The following DDAH1 variants were observed in gnomAD, a reference collection of about 807,000 sequenced individuals.
DDAH1 encodes the protein N(G),N(G)-dimethylarginine dimethylaminohydrolase 1.
DDAH1 carries 19 observed loss-of-function variants against 28.8 expected under a neutral mutation model. That is an observed-to-expected ratio of 0.66 (90% CI 0.46 to 0.97). The LOEUF (loss-of-function observed/expected upper bound fraction) is 0.97, where lower values mean the gene tolerates loss of function less well. DDAH1 is among the 50% of genes least tolerant of loss of function. The probability of loss-of-function intolerance (pLI) is 0.00; values close to 1 mark genes in which losing one functional copy is unlikely to be tolerated. For missense variants in DDAH1, 326 were observed against 375.9 expected (o/e 0.87, Z 1.10); for synonymous variants, 153 against 154.4 (o/e 0.99, Z 0.07).
chr1:85,374,756 T>TA lies in DDAH1; in HGVS notation c.304-15910dup, dbSNP rs1421359629. On this transcript the variant is annotated intron_variant, in intron 1 of 5. Coordinates refer to ENST00000284031, the MANE Select transcript of DDAH1 (RefSeq NM_012137.4). Reference sequence around the variant, plus strand: ...ATTATACTATAAGCACAAACATAGTTAAATAGAACACAGGGTACTATTATA... The same window carrying TA: ...ATTATACTATAAGCACAAACATAGTTAAAATAGAACACAGGGTACTATTATA... Among the ~76,000 whole-genome samples, 23 of 152,252 alleles carry TA rather than the reference T, an allele frequency of 1.5e-4. No individual in the cohort carries two copies. In the East Asian group the frequency reaches 4.4e-3, roughly 29 times the overall value.
intron 2 of DDAH1, among the ~76,000 whole-genome samples, chr1:85,474,390 C>G (rs898536646): frequency 2.6e-5 from 4 of 152,200 alleles, no homozygotes; most frequent in African/African-American, 9.6e-5. Flanking sequence ...ACACCCCACC[C>G]CCATGATGTG....
At chr1:85,408,213 G>A (rs934251998) in intron 1 of DDAH1, among the ~76,000 whole-genome samples, 3 of 151,956 alleles carry the variant, frequency 2.0e-5, no homozygotes, top group African/African-American at 4.8e-5. Context: ...AGCATGGAAC[G>A]TTCTGCCTTG....
intron 2 of DDAH1, among the ~76,000 whole-genome samples, chr1:85,481,441 A>G (rs531028572): frequency 1.3e-5 from 2 of 152,262 alleles, no homozygotes; most frequent in South Asian, 4.1e-4. Flanking sequence ...GTCCAAATTA[A>G]AAGATTGAAA....
chr1:85,411,305 C>T (rs1652644910), intron 1 of DDAH1, among the ~76,000 whole-genome samples: 1 of 152,070 alleles, frequency 6.6e-6, no homozygotes, highest in Non-Finnish European at 1.5e-5. Flanking sequence ...CAGTAAGTAG[C>T]TTAGAGTAAT....
At chr1:85,441,402 G>A (rs549691067) in intron 1 of DDAH1, among the ~76,000 whole-genome samples, 16 of 152,228 alleles carry the variant, frequency 1.1e-4, no homozygotes, top group Admixed American at 3.3e-4. Context: ...TTAGCTGGGC[G>A]TGGTGGCATG....
At chr1:85,444,833 G>A (rs1022051138) in intron 1 of DDAH1, among the ~76,000 whole-genome samples, 1 of 150,676 alleles carries the variant, frequency 6.6e-6, no homozygotes, top group Non-Finnish European at 1.5e-5. Flanking sequence ...GATTAGTCAG[G>A]GTTCTCTAGA....
intron 2 of DDAH1, among the ~76,000 whole-genome samples, chr1:85,475,869 C>T (rs1218278353): frequency 3.9e-5 from 6 of 152,072 alleles, no homozygotes; most frequent in South Asian, 4.2e-4. Flanking sequence ...TTGGTTTTTT[C>T]GAGACATGGT....
chr1:85,392,576 C>T (rs1344130902), intron 1 of DDAH1, among the ~76,000 whole-genome samples: 1 of 151,894 alleles, frequency 6.6e-6, no homozygotes, highest in Non-Finnish European at 1.5e-5. Context: ...GGGCGGATCA[C>T]GAGGTCAGGA....
chr1:85,441,414 G>A (rs186647156), intron 1 of DDAH1, among the ~76,000 whole-genome samples: 37 of 152,186 alleles, frequency 2.4e-4, no homozygotes, highest in South Asian at 8.3e-4. Context: ...GGTGGCATGC[G>A]CCTGTAGTCT....
chr1:85,417,359 A>G (rs1652932181), intron 1 of DDAH1, among the ~76,000 whole-genome samples: 1 of 152,114 alleles, frequency 6.6e-6, no homozygotes, highest in African/African-American at 2.4e-5. Context: ...AGCCCCATTC[A>G]CAGAGAGGCA....
chr1:85,372,461 G>C (rs550265814), intron 1 of DDAH1, among the ~76,000 whole-genome samples: 1 of 152,142 alleles, frequency 6.6e-6, no homozygotes, highest in South Asian at 2.1e-4. Context: ...TTTCCTAATA[G>C]AAACATTCCG....
chr1:85,383,051 T>G (rs1325558075), intron 1 of DDAH1, among the ~76,000 whole-genome samples: 1 of 152,234 alleles, frequency 6.6e-6, no homozygotes, highest in African/African-American at 2.4e-5. Context: ...CTGCCACCCA[T>G]AAATCAAGGA....
intron 1 of DDAH1, among the ~76,000 whole-genome samples, chr1:85,378,642 C>T (rs1650808159): frequency 6.6e-6 from 1 of 152,194 alleles, no homozygotes; most frequent in Non-Finnish European, 1.5e-5. Context: ...TTCCTGAGCT[C>T]AAGTGATCTA....
chr1:85,519,401 C>T (rs74210058), intron 1 of DDAH1, among the ~76,000 whole-genome samples: 4 of 152,124 alleles, frequency 2.6e-5, no homozygotes, highest in African/African-American at 4.8e-5. Flanking sequence ...AGGGAAAAAA[C>T]GGATGAATAT....
At chr1:85,351,192 GGCCTTCCA>G in intron 3 of DDAH1, among the ~76,000 whole-genome samples, 1 of 151,838 alleles carries the variant, frequency 6.6e-6, no homozygotes, top group East Asian at 1.9e-4. Context: ...CATCACGCCC[GGCCTTCCA>G]GATTTTTTTT....
chr1:85,553,167 C>T (rs1658850396), intron 1 of DDAH1, among the ~76,000 whole-genome samples: 1 of 152,134 alleles, frequency 6.6e-6, no homozygotes, highest in Non-Finnish European at 1.5e-5. Context: ...TGAGTAAAGT[C>T]ACCTTAGAAC....
chr1:85,410,365 C>T (rs1652594132), intron 1 of DDAH1, among the ~76,000 whole-genome samples: 1 of 151,960 alleles, frequency 6.6e-6, no homozygotes, highest in African/African-American at 2.4e-5. Flanking sequence ...TGAGGCCGGG[C>T]ATGGTGGCCC....
chr1:85,573,609 T>C (rs997117544), intron 1 of DDAH1, among the ~76,000 whole-genome samples: 1 of 152,124 alleles, frequency 6.6e-6, no homozygotes, highest in African/African-American at 2.4e-5. Flanking sequence ...CAGATAAGAG[T>C]TCCCACGGGA....
At chr1:85,380,409 T>A (rs1319307904) in intron 1 of DDAH1, 1 of 152,220 alleles carries the variant, frequency 6.6e-6, no homozygotes, top group Non-Finnish European at 1.5e-5. Context: ...CAGCATTTTG[T>A]GCTGGCATCT....
Sources: allele counts gnomAD v4.1 joint callset (sites outside exome capture counted in the v4.1 genomes callset), GRCh38; gene constraint gnomAD v4.1.1; transcripts MANE v1.5; gene names NCBI Gene and HGNC (gene_info 2026-07-23, HGNC 2026-07-21).